USP46: variants seen among roughly 807,000 people sequenced by gnomAD.
USP46 encodes the protein ubiquitin specific peptidase 46.
A neutral mutation model predicts 44.4 loss-of-function variants in USP46; 12 were observed. The observed-to-expected ratio is 0.27, with a 90% CI of 0.17 to 0.44. The LOEUF is 0.44. USP46 is among the 20% of genes least tolerant of loss of function. USP46 has a pLI of 1.00. For missense variants in USP46, 248 were observed against 444.8 expected (o/e 0.56, Z 3.98); for synonymous variants, 155 against 161.5 (o/e 0.96, Z 0.31).
intron 1 of USP46, among the ~76,000 whole-genome samples, chr4:52,632,990 A>AAAGAAAGGAAAGAAAAG: frequency 1.5e-5 from 1 of 66,294 alleles, no homozygotes. Flanking sequence ...GAAAGAAAAG[A>AAAGAAAGGAAAGAAAAG]AAAGAAAGAA....
chr4:52,639,622 C>T (rs928548786), intron 1 of USP46, among the ~76,000 whole-genome samples: 1 of 152,192 alleles, frequency 6.6e-6, no homozygotes, highest in Admixed American at 6.5e-5. Flanking sequence ...ATGGCCACAC[C>T]TAGCTGCAAG....
At position 52,610,609 on chromosome 4, in the gene USP46, G is replaced by C; in HGVS notation, c.570C>G (p.Ser190Arg). The part of the protein sequence containing the change: ...TRCLNCETVS[S>R]KDEDFLDLSV... Reference sequence around the variant, plus strand: ...AAAGGTCAAGAAAATCTTCATCTTTGCTACTAACCTGAAACAAAAAACAGA... The same window carrying C: ...AAAGGTCAAGAAAATCTTCATCTTTCCTACTAACCTGAAACAAAAAACAGA... Residue 190 changes from serine to arginine, a missense_variant, in exon 5 of 9, where the codon AGC becomes AGG. Physicochemically the swap from Ser to Arg is moderately radical, Grantham distance 110. Around this residue, in one of 5 missense-constraint regions of USP46, gnomAD observed 98 missense variants for 218.2 expected, o/e 0.45. Coordinates refer to ENST00000441222, the MANE Select transcript of USP46 (RefSeq NM_022832.4). 1 of 1,613,778 alleles carries C rather than the reference G, an allele frequency of 6.2e-7. No homozygotes were observed. Among genetic ancestry groups the C allele is most frequent in the Non-Finnish European group, 8.5e-7 (1 of 1,179,816 alleles).
intron 1 of USP46, chr4:52,651,170 AT>A (rs1306689736): frequency 1.3e-5 from 2 of 152,048 alleles, no homozygotes; most frequent in African/African-American, 2.4e-5. Flanking sequence ...TTTTACATTC[AT>A]TTTTTTAAAA....
At chr4:52,643,917 T>G (rs1396570598) in intron 1 of USP46, among the ~76,000 whole-genome samples, 1 of 152,194 alleles carries the variant, frequency 6.6e-6, no homozygotes, top group Admixed American at 6.5e-5. Context: ...GGAGATATTT[T>G]CATTCACATT....
At chr4:52,606,021 A>G (rs1211643749) in intron 5 of USP46, among the ~76,000 whole-genome samples, 1 of 152,118 alleles carries the variant, frequency 6.6e-6, no homozygotes, top group Non-Finnish European at 1.5e-5. Flanking sequence ...TTGCCGTCTT[A>G]TTTCTTCCCA....
chr4:52,632,918 G>GAAAGAAAGAAAGAAAGAAAGAAAGAA (rs34224846), intron 1 of USP46, among the ~76,000 whole-genome samples: 1 of 35,174 alleles, frequency 2.8e-5, no homozygotes, highest in Admixed American at 3.8e-4. Flanking sequence ...AAGAAAGAAA[G>GAAAGAAAGAAAGAAAGAAAGAAAGAA]AGAAAGAAAG....
At chr4:52,650,330 G>GA (rs1718708115) in intron 1 of USP46, among the ~76,000 whole-genome samples, 2 of 152,204 alleles carry the variant, frequency 1.3e-5, no homozygotes. Flanking sequence ...GTTGAGTAAA[G>GA]AAAGACAGTT....
At chr4:52,623,768 A>G (rs1177106722) in intron 4 of USP46, among the ~76,000 whole-genome samples, 2 of 151,958 alleles carry the variant, frequency 1.3e-5, no homozygotes, top group Admixed American at 1.3e-4. Flanking sequence ...TCTACTAAAA[A>G]TACAAGAGTT....
intron 1 of USP46, among the ~76,000 whole-genome samples, chr4:52,635,319 T>C (rs1718069224): frequency 6.6e-6 from 1 of 152,122 alleles, no homozygotes; most frequent in Non-Finnish European, 1.5e-5. Context: ...CATTTTCCTC[T>C]CTGAACATAC....
At chr4:52,633,158 G>A (rs1341053852) in intron 1 of USP46, among the ~76,000 whole-genome samples, 4 of 152,176 alleles carry the variant, frequency 2.6e-5, no homozygotes, top group Admixed American at 2.6e-4. Flanking sequence ...ATGGCCACTT[G>A]TCCCTAAGCA....
intron 5 of USP46, among the ~76,000 whole-genome samples, chr4:52,610,127 T>A (rs191514): frequency 6.6e-6 from 1 of 150,974 alleles, no homozygotes; most frequent in African/African-American, 2.4e-5. Flanking sequence ...GGTTTCACCG[T>A]GTTAGCCAGG....
chr4:52,632,532 A>C lies in USP46; in HGVS notation c.37-1388T>G, dbSNP rs1023865048. Among the ~76,000 whole-genome samples the C allele has an allele frequency of 3.8e-4, 58 of 152,048 alleles. 1 individual carries two copies. The highest frequency in any genetic ancestry group is 5.9e-5 in the Non-Finnish European group (4 of 68,012). The stretch of plus-strand genomic sequence containing the variant: ...AGGTATTTTTAAATGAATAAGAAAA[A>C]AGTTTTGGCCGGACATGGTGGCTCA... On this transcript the variant is annotated intron_variant, in intron 1 of 8. Transcript: ENST00000441222.
chr4:52,597,787 C>A (rs1161677691), intron 8 of USP46, 46 bp from the exon 9 acceptor site: 2 of 1,356,422 alleles, frequency 1.5e-6, no homozygotes, highest in Non-Finnish European at 2.0e-6. Context: ...TAACATGATT[C>A]CTGGGGAAAG....
chr4:52,623,499 A>G (rs1384469582), intron 4 of USP46, among the ~76,000 whole-genome samples: 4 of 152,248 alleles, frequency 2.6e-5, no homozygotes, highest in Non-Finnish European at 4.4e-5. Context: ...TCAAGGATGC[A>G]TGTTGTAATC....
At chr4:52,631,723 G>C (rs2109638050) in intron 1 of USP46, among the ~76,000 whole-genome samples, 1 of 152,180 alleles carries the variant, frequency 6.6e-6, no homozygotes. Context: ...AATAGTGCAG[G>C]GGCTGGGTGC....
intron 5 of USP46, among the ~76,000 whole-genome samples, chr4:52,607,916 T>C (rs984273280): frequency 6.6e-6 from 1 of 152,180 alleles, no homozygotes; most frequent in African/African-American, 2.4e-5. Context: ...TTAAACCTCT[T>C]TTCTTTATAA....
At chr4:52,656,950 G>C (rs1239097451) in intron 1 of USP46, among the ~76,000 whole-genome samples, 1 of 143,442 alleles carries the variant, frequency 7.0e-6, no homozygotes, top group East Asian at 2.2e-4. Flanking sequence ...AGAGGTGGGA[G>C]AATCACTTGA....
chr4:52,607,396 A>G (rs1716728782), intron 5 of USP46, among the ~76,000 whole-genome samples: 1 of 152,242 alleles, frequency 6.6e-6, no homozygotes, highest in Non-Finnish European at 1.5e-5. Context: ...AAACTCTTCA[A>G]TGAGAAAGAC....
At chr4:52,597,791 G>A (rs766873839) in intron 8 of USP46, 50 bp from the exon 9 acceptor site, 9 of 1,328,700 alleles carry the variant, frequency 6.8e-6, no homozygotes, top group Non-Finnish European at 4.1e-6. Flanking sequence ...ATGATTCCTG[G>A]GGAAAGGAAA....
Sources: gnomAD v4.1 joint callset for allele counts (sites outside exome capture counted in the v4.1 genomes callset) on GRCh38, gnomAD v4.1.1 for gene constraint, gnomAD v4.1.1 regional missense constraint, MANE v1.5 for transcripts, NCBI Gene and HGNC (gene_info 2026-07-23, HGNC 2026-07-21) for gene names.